Variants in SNTG1 observed in about 807,000 individuals in gnomAD.
The protein encoded by SNTG1 is gamma-1-syntrophin.
Under a neutral mutation model 74.7 loss-of-function variants are expected in SNTG1, and 39 were observed. The ratio of observed to expected loss-of-function variants is 0.52; its 90% CI spans 0.40 to 0.68. The LOEUF (loss-of-function observed/expected upper bound fraction) is 0.68. Ranked by LOEUF, SNTG1 falls within the 30% of genes least tolerant of loss-of-function variation. The pLI, the probability that SNTG1 is intolerant of heterozygous loss-of-function variation, is 0.00. For synonymous variants in SNTG1, 254 were observed against 217.1 expected, an observed-to-expected ratio of 1.17 and a Z score of -1.49; for missense variants, 685 against 609.5, an observed-to-expected ratio of 1.12 and a Z score of -1.30.
chr8:50,167,315 A>C (rs564910034), intron 1 of SNTG1, among the ~76,000 whole-genome samples: 1 of 147,314 alleles, frequency 6.8e-6, no homozygotes, highest in African/African-American at 2.5e-5. Flanking sequence ...AAAATAAAAA[A>C]AATAAAATAA....
At position 50,032,792 on chromosome 8, in the gene SNTG1, AT is replaced by A. The variant is rs1323333087; in HGVS notation, c.-103+120569del. 7.2e-5 allele frequency among the ~76,000 whole-genome samples: 11 copies of A among 152,020 alleles called. No individual in the cohort carries two copies. The East Asian group carries it at 1.7e-3, about 24-fold the overall frequency. ...GCTAATCTTTTAACACTATACATATATTTTTTTTCATGTTGCTCACCTGCTA... is the reference window on the plus strand; with the variant it reads ...GCTAATCTTTTAACACTATACATATATTTTTTTCATGTTGCTCACCTGCTA... On this transcript the variant is annotated intron_variant, in intron 1 of 18. Transcript: ENST00000642720.
chr8:50,108,731 T>C (rs2080474352), intron 1 of SNTG1, among the ~76,000 whole-genome samples: 1 of 152,186 alleles, frequency 6.6e-6, no homozygotes, highest in African/African-American at 2.4e-5. Context: ...CCAGCTCCTT[T>C]GCTGAGTTAT....
intron 15 of SNTG1, among the ~76,000 whole-genome samples, chr8:50,673,969 T>G (rs1284332309): frequency 6.6e-6 from 1 of 151,776 alleles, no homozygotes; most frequent in Non-Finnish European, 1.5e-5. Context: ...GTCAATGTGA[T>G]GAACACATTT....
At chr8:50,508,620 T>G (rs879861143) in intron 9 of SNTG1, among the ~76,000 whole-genome samples, 1 of 152,188 alleles carries the variant, frequency 6.6e-6, no homozygotes, top group Admixed American at 6.5e-5. Context: ...TTCTAACTGG[T>G]GTGAGATGGT....
chr8:50,340,279 C>A (rs565817942), intron 2 of SNTG1, among the ~76,000 whole-genome samples: 11 of 151,768 alleles, frequency 7.2e-5, no homozygotes, highest in Admixed American at 6.6e-4. Context: ...TGAAGAAGAG[C>A]AAAACAGAAG....
At chr8:50,766,878 A>C (rs1343729526) in intron 18 of SNTG1, among the ~76,000 whole-genome samples, 5 of 151,932 alleles carry the variant, frequency 3.3e-5, no homozygotes, top group Non-Finnish European at 5.9e-5. Context: ...CACCATCTTG[A>C]TATGATATAT....
chr8:50,122,877 A>C (rs2131363778), intron 1 of SNTG1, among the ~76,000 whole-genome samples: 1 of 142,300 alleles, frequency 7.0e-6, no homozygotes, highest in African/African-American at 2.5e-5. Context: ...AGAGAGAAAA[A>C]CCTGATTGCT....
intron 2 of SNTG1, among the ~76,000 whole-genome samples, chr8:50,280,545 G>A (rs1347363282): frequency 2.0e-5 from 3 of 152,158 alleles, no homozygotes; most frequent in African/African-American, 7.2e-5. Flanking sequence ...GTTTTAGGGA[G>A]ACAGAAGACA....
intron 3 of SNTG1, among the ~76,000 whole-genome samples, chr8:50,396,866 A>G (rs2092734567): frequency 6.6e-6 from 1 of 152,228 alleles, no homozygotes; most frequent in African/African-American, 2.4e-5. Context: ...GAAACTACAA[A>G]TTCTTAATAA....
At chr8:49,969,918 CTGTGTGTGTGTGTGTG>C (rs34129313) in intron 1 of SNTG1, among the ~76,000 whole-genome samples, 3 of 149,004 alleles carry the variant, frequency 2.0e-5, no homozygotes, top group Non-Finnish European at 3.0e-5. Context: ...AATAAAAAAC[CTGTGTGTGTGTGTGTG>C]TGTGTGTGTG....
At chr8:49,965,383 G>A (rs1377411864) in intron 1 of SNTG1, among the ~76,000 whole-genome samples, 1 of 152,142 alleles carries the variant, frequency 6.6e-6, no homozygotes, top group Non-Finnish European at 1.5e-5. Flanking sequence ...ACTGAGGCCT[G>A]GATATATTTG....
intron 1 of SNTG1, among the ~76,000 whole-genome samples, chr8:50,050,298 G>A (rs1441350491): frequency 1.3e-5 from 2 of 151,850 alleles, no homozygotes; most frequent in Non-Finnish European, 2.9e-5. Context: ...CATTCATAGA[G>A]TAGTAAGGGA....
rs1395384159 is a variant in SNTG1 at position 49,962,585 on chromosome 8, CCTT to C, written c.-103+50360_-103+50362del. Reference sequence around the variant, plus strand: ...GATAGAGACAGTAGATGCATCCTGCCCTTCTTCTCCTCTCGTTGGGATGCAATG... The same window carrying C: ...GATAGAGACAGTAGATGCATCCTGCCCTTCTCCTCTCGTTGGGATGCAATG... On this transcript the variant is annotated intron_variant, in intron 1 of 18. Coordinates refer to ENST00000642720, the MANE Select transcript of SNTG1 (RefSeq NM_018967.5). 3.3e-5 allele frequency among the ~76,000 whole-genome samples: 5 copies of C among 151,854 alleles called. No individual in the cohort carries two copies. In the East Asian group the frequency reaches 9.7e-4, roughly 30 times the overall value.
At chr8:50,004,080 C>A (rs1814990697) in intron 1 of SNTG1, among the ~76,000 whole-genome samples, 1 of 152,010 alleles carries the variant, frequency 6.6e-6, no homozygotes, top group South Asian at 2.1e-4. Context: ...AAAGCTAATA[C>A]CCTGAGGCCA....
Position 50,762,106 on chromosome 8 carries a change from A to G in SNTG1, c.1395+9995A>G, listed in dbSNP as rs186380263. On this transcript the variant is annotated intron_variant, in intron 18 of 18. Coordinates refer to ENST00000642720, the MANE Select transcript of SNTG1 (RefSeq NM_018967.5). ...CAAGTGAATCTTGCTTGGTTCTGAG[A>G]CAGTGAAGAAATTTCCCCCGTATTT... 2.3e-4 allele frequency among the ~76,000 whole-genome samples: 35 copies of G among 151,280 alleles called. No individual in the cohort carries two copies. The East Asian group carries it at 6.7e-3, about 29-fold the overall frequency.
rs556050583 is a variant in SNTG1, at chr8:50,715,101, G to T, written c.1284+6123G>T. Reference sequence around the variant, plus strand: ...GGCGTCCAACAAATAACACCTGAGTGTTAGTAGTTAAAATAAGAATGAAGG... The same window carrying T: ...GGCGTCCAACAAATAACACCTGAGTTTTAGTAGTTAAAATAAGAATGAAGG... On this transcript the variant is annotated intron_variant, in intron 17 of 18. Transcript: ENST00000642720. Among the ~76,000 whole-genome samples, 32 of 152,240 alleles carry T rather than the reference G, an allele frequency of 2.1e-4. 1 individual carries two copies. In the South Asian group the frequency reaches 6.6e-3, roughly 32 times the overall value.
At chr8:50,696,731 G>T (rs934143327) in intron 15 of SNTG1, among the ~76,000 whole-genome samples, 4 of 151,934 alleles carry the variant, frequency 2.6e-5, no homozygotes, top group Non-Finnish European at 5.9e-5. Flanking sequence ...CTTTGACAAA[G>T]TTCACTTGGC....
At chr8:50,515,598 A>T (rs1187666791) in intron 9 of SNTG1, among the ~76,000 whole-genome samples, 1 of 152,028 alleles carries the variant, frequency 6.6e-6, no homozygotes, top group Admixed American at 6.5e-5. Flanking sequence ...TTGATCTGGG[A>T]CACTCAAGCT....
In SNTG1 at chr8:50,530,234, A is replaced by G; in HGVS notation, c.524A>G (p.His175Arg). Residue 175 changes from histidine (H) to arginine (R), a missense_variant, in exon 10 of 19, where the codon CAT (histidine) becomes CGT (arginine). Coordinates refer to ENST00000642720, the MANE Select transcript of SNTG1 (RefSeq NM_018967.5). ...TSSPLCDSGL[H>R]LNYHPNNTDT... ...TCTCCTCTCTGTGACAGTGGCTTAC[A>G]TCTCAACTACCATCCCAACAATACA... 2 of 1,613,804 alleles carry G rather than the reference A, an allele frequency of 1.2e-6. No individual in the cohort carries two copies. The highest frequency in any genetic ancestry group is 1.3e-5 in the African/African-American group (1 of 75,024).
Sources: gnomAD v4.1 joint callset for allele counts (sites outside exome capture counted in the v4.1 genomes callset) on GRCh38, gnomAD v4.1.1 for gene constraint, MANE v1.5 for transcripts, NCBI Gene and HGNC (gene_info 2026-07-23, HGNC 2026-07-21) for gene names.